Variants in UBXN11 observed in about 807,000 individuals in gnomAD.
The protein encoded by UBXN11 is UBX domain protein 11.
A neutral mutation model predicts 62.8 loss-of-function variants in UBXN11; 47 were observed. The ratio of observed to expected loss-of-function variants is 0.75; its 90% confidence interval spans 0.59 to 0.95. UBXN11 has a LOEUF of 0.95. Among genes scored for constraint, UBXN11 ranks in the 40% least tolerant of loss-of-function variants. The pLI is 0.00. For synonymous variants in UBXN11, 294 were observed against 267.0 expected (o/e 1.10, Z -0.99); for missense variants, 638 against 661.7 (o/e 0.96, Z 0.39).
chr1:26,294,385 G>A (rs1244833066), intron 7 of UBXN11, 54 bp from the exon 8 acceptor site: 48 of 1,597,848 alleles, frequency 3.0e-5, no homozygotes, highest in Non-Finnish European at 3.7e-5. Context: ...CCCTTCCCAG[G>A]GAAAGGCAGT....
At chr1:26,286,202 T>A (rs11247901) in intron 8 of UBXN11, among the ~76,000 whole-genome samples, 165 bp from the exon 9 acceptor site, 25,036 of 152,264 alleles carry the variant, frequency 0.16, 2,158 homozygotes, top group Middle Eastern at 0.21. Flanking sequence ...CTGTCTTTTA[T>A]TGAGCACTTA....
At chr1:26,290,434 C>T (rs1308711598) in intron 8 of UBXN11, among the ~76,000 whole-genome samples, 1 of 152,304 alleles carries the variant, frequency 6.6e-6, no homozygotes, top group Non-Finnish European at 1.5e-5. Context: ...CAGAGCAGCA[C>T]AGCCCACACA....
Position 26,301,736 on chromosome 1 carries a change from C to G in UBXN11, c.72-14G>C. On this transcript the variant is annotated splice_polypyrimidine_tract_variant and intron_variant, in intron 2 of 14. Coordinates refer to ENST00000374222, the MANE Select transcript of UBXN11 (RefSeq NM_001389556.1). ...ATTCCTCGCCTCCTGGGAACCCAGGCAGGAAGAAGGAAGAAATATAAGTTA... is the reference window on the plus strand; with the variant it reads ...ATTCCTCGCCTCCTGGGAACCCAGGGAGGAAGAAGGAAGAAATATAAGTTA... The G allele has an allele frequency of 3.7e-6, 6 of 1,613,912 alleles. No individual in the cohort carries two copies. Among genetic ancestry groups the G allele is most frequent in the Non-Finnish European group, 5.1e-6 (6 of 1,179,940 alleles).
At chr1:26,293,713 A>T (rs1175602830) in intron 8 of UBXN11, among the ~76,000 whole-genome samples, 2 of 126,192 alleles carry the variant, frequency 1.6e-5, no homozygotes, top group African/African-American at 6.1e-5. Flanking sequence ...TGACAGAGCA[A>T]GACTCCGTCT....
chr1:26,313,125 G>A (rs1347697415), intron 1 of UBXN11, among the ~76,000 whole-genome samples: 1 of 152,046 alleles, frequency 6.6e-6, no homozygotes, highest in African/African-American at 2.4e-5. Context: ...GTCTCAGTGA[G>A]GATGAAAAAT....
intron 3 of UBXN11, 148 bp from the exon 4 acceptor site, chr1:26,301,172 C>A (rs560243619): frequency 4.2e-5 from 62 of 1,468,000 alleles, no homozygotes; most frequent in Non-Finnish European, 5.5e-5. Context: ...GAGCAAGGAT[C>A]CAACCAGAAT....
chr1:26,290,781 G>A (rs140746217), intron 8 of UBXN11, among the ~76,000 whole-genome samples: 154 of 151,696 alleles, frequency 1.0e-3, no homozygotes, highest in African/African-American at 3.3e-3. Context: ...AGGGGGATGA[G>A]AGGGTGAGGA....
rs74472610 is a variant in UBXN11, at chr1:26,283,414, T to C, written c.1078-477A>G. ...ATGTGTGGCTGAAGCTGGGGCTCAA[T>C]TGGACTGGAAGGAAAAGGTTGGTGT... On this transcript the variant is annotated intron_variant, in intron 12 of 14. Coordinates refer to ENST00000374222, the MANE Select transcript of UBXN11 (RefSeq NM_001389556.1). Among the ~76,000 whole-genome samples the C allele has an allele frequency of 6.2e-3, 949 of 152,176 alleles. 9 individuals are homozygous for C. The highest frequency in any genetic ancestry group is 0.022 in the African/African-American group (920 of 41,504).
At position 26,303,188 on chromosome 1, in the gene UBXN11, G is replaced by GCTTC. The variant is rs2073580889; in HGVS notation, c.-35-271_-35-270insGAAG. 1.5e-5 allele frequency: 4 copies of GCTTC among 266,734 alleles called. No homozygotes were observed. In the East Asian group the frequency reaches 2.7e-4, roughly 18 times the overall value. 16.5% of individuals were successfully genotyped at this position (266,734 alleles called of 1,614,324 possible). A position where few individuals can be genotyped will look rare whatever the true frequency, so the allele number is the denominator to read the frequency against. ...AAGTACTGTGAGGGTGGGATGGGATGCAGAAATGAGTCAGAAGCCTGGAAC... is the reference window on the plus strand; with the variant it reads ...AAGTACTGTGAGGGTGGGATGGGATGCTTCCAGAAATGAGTCAGAAGCCTGGAAC... On this transcript the variant is annotated intron_variant, in intron 1 of 14. Transcript: ENST00000374222.
At chr1:26,286,815 C>CA in intron 8 of UBXN11, among the ~76,000 whole-genome samples, 1 of 148,726 alleles carries the variant, frequency 6.7e-6, no homozygotes, top group Middle Eastern at 3.5e-3. Flanking sequence ...TCTCCTATCT[C>CA]AGCCTCCTGA....
chr1:26,302,514 G>A (rs879327071), intron 2 of UBXN11, among the ~76,000 whole-genome samples: 2 of 152,136 alleles, frequency 1.3e-5, no homozygotes, highest in Non-Finnish European at 2.9e-5. Context: ...CCTGGCCCAG[G>A]ATAGGTCCGT....
upstream of UBXN11, chr1:26,306,837 G>GGGGGGGGGGGGT (rs2073682363): frequency 1.6e-5 from 1 of 63,468 alleles, no homozygotes; most frequent in Non-Finnish European, 3.5e-5. Flanking sequence ...GGTGGGGGGG[G>GGGGGGGGGGGGT]GGGGTGGTTC....
intron 8 of UBXN11, among the ~76,000 whole-genome samples, chr1:26,287,063 C>T (rs2073149586): frequency 6.6e-6 from 1 of 152,060 alleles, no homozygotes; most frequent in Non-Finnish European, 1.5e-5. Context: ...TGAAAAATGA[C>T]TCGTCCCAAG....
chr1:26,286,152 A>C (rs1454150373), intron 8 of UBXN11, 115 bp from the exon 9 acceptor site: 9 of 910,324 alleles, frequency 9.9e-6, no homozygotes, highest in Middle Eastern at 3.2e-4. Context: ...TCCTTAACTG[A>C]CTGCCTGGGG....
At chr1:26,300,243 C>T (rs539204834) in intron 4 of UBXN11, among the ~76,000 whole-genome samples, 3 of 152,184 alleles carry the variant, frequency 2.0e-5, no homozygotes, top group Non-Finnish European at 2.9e-5. Flanking sequence ...GGCCCTCCAC[C>T]GAGGAGCATC....
chr1:26,317,982 AG>A, intron 1 of UBXN11: 1 of 1,606,142 alleles, frequency 6.2e-7, no homozygotes, highest in Non-Finnish European at 8.5e-7. Flanking sequence ...TCACCTAAAA[AG>A]CTGCTACCAA....
chr1:26,282,857 CCCTCA>C lies in UBXN11; in HGVS notation c.1151+2_1151+6del. On this transcript the variant is annotated splice_donor_variant and splice_donor_5th_base_variant and intron_variant, in intron 13 of 14. Coordinates refer to ENST00000374222, the MANE Select transcript of UBXN11 (RefSeq NM_001389556.1). LOFTEE classifies it high-confidence loss of function. ...CCCAGGCCCTCACCTCCTCATCCCG[CCCTCA>C]CCTCTCTCGCTCAGCGGCCAAGGTG... The C allele has an allele frequency of 6.2e-7, 1 of 1,614,176 alleles. No individual in the cohort carries two copies. The highest frequency in any genetic ancestry group is 1.3e-5 in the African/African-American group (1 of 75,034).
chr1:26,297,388 T>A, intron 6 of UBXN11, 39 bp downstream of exon 6: 1 of 1,500,166 alleles, frequency 6.7e-7, no homozygotes, highest in South Asian at 1.3e-5. Flanking sequence ...GGGAGGTGCC[T>A]GACTGGGGGC....
rs149187752 is a variant in UBXN11 at position 26,285,874 on chromosome 1, G to A, written c.723C>T (p.Gly241=). 66 of 1,612,742 alleles carry A rather than the reference G, an allele frequency of 4.1e-5. No individual in the cohort carries two copies. In the East Asian group the frequency reaches 8.9e-4, roughly 22 times the overall value. ...EPIPLKLYRN[G]IMMFDGPFQP... ...GGAAGGGCCCGTCGAACATCATGAT[G>A]CCATTCCGGTAGAGCTTCAGCGGGA... The change falls in exon 9 of 15, where the codon GGC becomes GGT. Residue 241 remains glycine, a synonymous_variant. Transcript: ENST00000374222.
Sources: allele counts gnomAD v4.1 joint callset (sites outside exome capture counted in the v4.1 genomes callset), GRCh38; gene constraint gnomAD v4.1.1; transcripts MANE v1.5; gene names NCBI Gene and HGNC (gene_info 2026-07-23, HGNC 2026-07-21).